The following ERP44 variants were observed in gnomAD, a reference collection of about 807,000 sequenced individuals.
The protein encoded by ERP44 is endoplasmic reticulum resident protein 44.
In ERP44, 25 loss-of-function variants were observed where a neutral mutation model predicts 53.4. That is an observed-to-expected ratio of 0.47 (90% CI 0.34 to 0.65). ERP44 has a LOEUF of 0.65. ERP44 is among the 30% of genes least tolerant of loss of function. The pLI is 0.01. For synonymous variants in ERP44, 145 were observed against 161.2 expected (o/e 0.90, Z 0.76); for missense variants, 338 against 493.2 (o/e 0.69, Z 2.98).
In ERP44 at chr9:100,044,802, A is replaced by G. The variant is rs144096526; in HGVS notation, c.286+7615T>C. On this transcript the variant is annotated intron_variant, in intron 4 of 11. Coordinates refer to ENST00000262455, the MANE Select transcript of ERP44 (RefSeq NM_015051.3). ...AGGACTTTTAAAATACCAAGTTTCTAAAAATTTGTAAAATTTCAAACTTAC... is the reference window on the plus strand; with the variant it reads ...AGGACTTTTAAAATACCAAGTTTCTGAAAATTTGTAAAATTTCAAACTTAC... 2.2e-3 allele frequency among the ~76,000 whole-genome samples: 337 copies of G among 152,294 alleles called. 2 individuals are homozygous for G. Among genetic ancestry groups the G allele is most frequent in the African/African-American group, 7.7e-3 (321 of 41,568 alleles).
intron 1 of ERP44, among the ~76,000 whole-genome samples, chr9:100,071,748 T>A (rs906515153): frequency 5.9e-5 from 9 of 152,146 alleles, no homozygotes; most frequent in African/African-American, 2.2e-4. Context: ...GGTGAAACCC[T>A]GTCTCTACTA....
chr9:99,986,411 T>C (rs1293059463), intron 10 of ERP44, among the ~76,000 whole-genome samples: 3 of 152,214 alleles, frequency 2.0e-5, no homozygotes, highest in Admixed American at 2.0e-4. Context: ...TTCTGAGATC[T>C]TGGTGCTTTA....
At chr9:100,071,158 G>C (rs918418162) in intron 1 of ERP44, among the ~76,000 whole-genome samples, 1 of 137,744 alleles carries the variant, frequency 7.3e-6, no homozygotes, top group African/African-American at 2.8e-5. Flanking sequence ...GCAGTGGCAT[G>C]ATCTCGGCTC....
intron 1 of ERP44, among the ~76,000 whole-genome samples, chr9:100,075,073 C>G (rs1826341581): frequency 6.6e-6 from 1 of 152,186 alleles, no homozygotes; most frequent in South Asian, 2.1e-4. Context: ...ATATCGCATC[C>G]TTGGAGGGAC....
chr9:100,017,285 A>G (rs1830533827), intron 7 of ERP44, among the ~76,000 whole-genome samples: 1 of 152,220 alleles, frequency 6.6e-6, no homozygotes, highest in African/African-American at 2.4e-5. Flanking sequence ...TGTTTTTATC[A>G]TCCCGTTTTT....
At position 100,022,216 on chromosome 9, in the gene ERP44, G is replaced by T; in HGVS notation, c.297C>A (p.Ala99=). 1.9e-6 allele frequency: 3 copies of T among 1,607,408 alleles called. No homozygotes were observed. Among genetic ancestry groups the T allele is most frequent in the Non-Finnish European group, 2.5e-6 (3 of 1,177,364 alleles). Residue 99 remains alanine, a synonymous_variant, in exon 5 of 12, where the codon GCC becomes GCA. Coordinates refer to ENST00000262455, the MANE Select transcript of ERP44 (RefSeq NM_015051.3). The part of the protein sequence containing the change: ...RVDCDQHSDI[A]QRYRISKYPT... ...GGTATTTGCTTATCCTGTATCTCTG[G>T]GCTATGTCAGCTAAAAGAATGAAAA...
rs1830435298 is a variant in ERP44 at position 100,007,670 on chromosome 9, A to C, written c.782T>G (p.Leu261Arg). ...ENGEELTEEG[L>R]PFLILFHMKE... ...CATGTGAAAGAGTATGAGAAAAGGCAGTCCTTCTTCTGTCAATTCCTGTAG... is the reference window on the plus strand; with the variant it reads ...CATGTGAAAGAGTATGAGAAAAGGCCGTCCTTCTTCTGTCAATTCCTGTAG... The change falls in exon 9 of 12, where the codon CTG becomes CGG. Residue 261 changes from leucine to arginine, a missense_variant. By Grantham distance (102) the Leu-to-Arg change is moderately radical (BLOSUM62 -2). Transcript: ENST00000262455. The C allele has an allele frequency of 6.3e-7, 1 of 1,586,278 alleles. No individual in the cohort carries two copies. Among genetic ancestry groups the C allele is most frequent in the Admixed American group, 1.7e-5 (1 of 59,950 alleles).
At chr9:100,070,505 C>T (rs1826288608) in intron 1 of ERP44, among the ~76,000 whole-genome samples, 1 of 152,172 alleles carries the variant, frequency 6.6e-6, no homozygotes. Context: ...TATGTCAGTA[C>T]TCTGTTTTTG....
chr9:99,989,039 G>A (rs933886631), intron 10 of ERP44, among the ~76,000 whole-genome samples: 2 of 152,172 alleles, frequency 1.3e-5, no homozygotes, highest in African/African-American at 2.4e-5. Context: ...CAGGAATCTC[G>A]AACTGGGTGG....
intron 4 of ERP44, among the ~76,000 whole-genome samples, chr9:100,039,826 G>A (rs1487145809): frequency 1.3e-5 from 2 of 151,914 alleles, no homozygotes; most frequent in East Asian, 3.9e-4. Context: ...CATCAGAAAT[G>A]AAAAAGGAGA....
chr9:100,055,791 G>A (rs2118711904), intron 3 of ERP44, among the ~76,000 whole-genome samples: 1 of 152,246 alleles, frequency 6.6e-6, no homozygotes, highest in South Asian at 2.1e-4. Context: ...GCACAAAACA[G>A]CATTATTAAC....
In ERP44 at chr9:100,048,954, A is replaced by T. The variant is rs534661255; in HGVS notation, c.286+3463T>A. The stretch of plus-strand genomic sequence containing the variant: ...GGAGACTGGTTGCACAACAATGTGA[A>T]TACATTTAACAGTATTAAATTGTAC... On this transcript the variant is annotated intron_variant, in intron 4 of 11. Transcript: ENST00000262455. Among the ~76,000 whole-genome samples the T allele has an allele frequency of 7.2e-5, 11 of 152,348 alleles. No individual in the cohort carries two copies. In the South Asian group the frequency reaches 2.3e-3, roughly 32 times the overall value.
At chr9:100,018,375 A>C (rs1830547616) in intron 6 of ERP44, 62 bp from the exon 7 acceptor site, 1 of 928,166 alleles carries the variant, frequency 1.1e-6, no homozygotes, top group East Asian at 2.4e-5. Flanking sequence ...TAGGAATTAC[A>C]GACTTGAAAT....
At position 99,980,796 on chromosome 9, in the gene ERP44, C is replaced by T. The variant is rs540586493; in HGVS notation, c.*1816G>A. ...TATGCATGAATGCTAAGTAATACTT[C>T]CTCAAATCAACTCCCTTTTTAACAG... On this transcript the variant is annotated 3_prime_UTR_variant, in exon 12 of 12. Transcript: ENST00000262455. 1 of 152,286 alleles carries T rather than the reference C, an allele frequency of 6.6e-6. No homozygotes were observed. Among genetic ancestry groups the T allele is most frequent in the East Asian group, 1.9e-4 (1 of 5,180 alleles). 9.4% of individuals were successfully genotyped at this position (152,286 alleles called of 1,614,324 possible).
intron 7 of ERP44, among the ~76,000 whole-genome samples, chr9:100,017,395 C>T (rs1036929763): frequency 2.6e-5 from 4 of 152,168 alleles, no homozygotes; most frequent in African/African-American, 9.7e-5. Context: ...TCTGATACCA[C>T]CAGAGCCCAT....
chr9:100,022,367 T>C, intron 4 of ERP44, 141 bp from the exon 5 acceptor site: 1 of 602,720 alleles, frequency 1.7e-6, no homozygotes, highest in Non-Finnish European at 2.8e-6. Flanking sequence ...AAAAAAATAA[T>C]AATAATCAGG....
At chr9:100,054,748 G>C (rs1187741392) in intron 3 of ERP44, among the ~76,000 whole-genome samples, 1 of 152,082 alleles carries the variant, frequency 6.6e-6, no homozygotes, top group South Asian at 2.1e-4. Context: ...TTCAGATAAG[G>C]GATACTCAAC....
chr9:100,029,942 G>A (rs1825763945), intron 4 of ERP44, among the ~76,000 whole-genome samples: 2 of 152,104 alleles, frequency 1.3e-5, no homozygotes, highest in Non-Finnish European at 2.9e-5. Context: ...ACAAAAATTA[G>A]CCGGGCGTGG....
At position 100,018,286 on chromosome 9, in the gene ERP44, A is replaced by G. The variant is rs780942368; in HGVS notation, c.615T>C (p.Ser205=). The change falls in exon 7 of 12, where the codon AGT becomes AGC. Residue 205 remains serine, a synonymous_variant. Transcript: ENST00000262455. ...GTGGTTTGTAGATTATGTTGTCGCCACTATATCTTTCCGGTTTTGAAACAT... is the reference window on the plus strand; with the variant it reads ...GTGGTTTGTAGATTATGTTGTCGCCGCTATATCTTTCCGGTTTTGAAACAT... ...FGDVSKPERY[S]GDNIIYKPPG... 6.2e-7 allele frequency: 1 copy of G among 1,607,698 alleles called. No individual in the cohort carries two copies. The highest frequency in any genetic ancestry group is 8.5e-7 in the Non-Finnish European group (1 of 1,174,286).
Sources: allele counts gnomAD v4.1 joint callset (sites outside exome capture counted in the v4.1 genomes callset), GRCh38; gene constraint gnomAD v4.1.1; transcripts MANE v1.5; gene names NCBI Gene and HGNC (gene_info 2026-07-23, HGNC 2026-07-21).